The following CHCHD6 variants were observed in gnomAD, a reference collection of about 807,000 sequenced individuals.
The protein encoded by CHCHD6 is MICOS complex subunit MIC25.
CHCHD6 carries 28 observed loss-of-function variants against 32.3 expected under a neutral mutation model. The observed-to-expected ratio is 0.87, with a 90% confidence interval of 0.64 to 1.19. The LOEUF (loss-of-function observed/expected upper bound fraction) is 1.19, where lower values mean the gene tolerates loss of function less well. Ranked by LOEUF, CHCHD6 falls within the 50% of genes most tolerant of loss-of-function variation. The pLI, the probability that CHCHD6 is intolerant of heterozygous loss-of-function variation, is 0.00. For missense variants in CHCHD6, 333 were observed against 307.0 expected, an observed-to-expected ratio of 1.08 and a Z score of -0.63; for synonymous variants, 122 against 117.5, an observed-to-expected ratio of 1.04 and a Z score of -0.25.
chr3:126,858,675 G>C (rs1941749413), intron 5 of CHCHD6, among the ~76,000 whole-genome samples: 1 of 152,228 alleles, frequency 6.6e-6, no homozygotes, highest in Non-Finnish European at 1.5e-5. Flanking sequence ...CTTATGGAGA[G>C]ACACAGCCAG....
intron 1 of CHCHD6, among the ~76,000 whole-genome samples, chr3:126,723,863 G>A (rs1310151607): frequency 3.3e-5 from 5 of 152,138 alleles, no homozygotes. Context: ...AATTTTTAAT[G>A]TCTTTCCCTC....
intron 6 of CHCHD6, among the ~76,000 whole-genome samples, chr3:126,933,266 G>T (rs1385651082): frequency 6.6e-6 from 1 of 152,136 alleles, no homozygotes; most frequent in Non-Finnish European, 1.5e-5. Flanking sequence ...GTTCCCCAAG[G>T]CTTCTCTGGT....
chr3:126,836,372 T>G (rs1298946507), intron 4 of CHCHD6, among the ~76,000 whole-genome samples: 1 of 152,234 alleles, frequency 6.6e-6, no homozygotes, highest in East Asian at 1.9e-4. Flanking sequence ...CATGCAGCTC[T>G]CAGCTCAAAT....
At chr3:126,820,396 A>C (rs1191483508) in intron 4 of CHCHD6, among the ~76,000 whole-genome samples, 1 of 152,098 alleles carries the variant, frequency 6.6e-6, no homozygotes, top group Non-Finnish European at 1.5e-5. Flanking sequence ...ATTACTCTCC[A>C]AAGAGAACCG....
At chr3:126,907,562 A>C (rs1284318293) in intron 5 of CHCHD6, among the ~76,000 whole-genome samples, 2 of 152,140 alleles carry the variant, frequency 1.3e-5, no homozygotes, top group African/African-American at 4.8e-5. Context: ...AATTTTCTTC[A>C]CTTTGCTTAA....
chr3:126,782,558 G>A (rs1179072140), intron 4 of CHCHD6, among the ~76,000 whole-genome samples: 1 of 152,208 alleles, frequency 6.6e-6, no homozygotes, highest in African/African-American at 2.4e-5. Flanking sequence ...AAGGATACAG[G>A]GAAGCTCACA....
intron 4 of CHCHD6, among the ~76,000 whole-genome samples, chr3:126,748,535 C>T (rs1206739019): frequency 6.9e-6 from 1 of 145,798 alleles, no homozygotes; most frequent in African/African-American, 2.6e-5. Flanking sequence ...GCGGAGGTGG[C>T]GGTGAGCCGA....
intron 4 of CHCHD6, among the ~76,000 whole-genome samples, chr3:126,832,431 C>A (rs1234591268): frequency 2.0e-5 from 3 of 152,174 alleles, no homozygotes; most frequent in African/African-American, 7.2e-5. Context: ...CTACCATCTC[C>A]ATAACATCCC....
intron 4 of CHCHD6, among the ~76,000 whole-genome samples, chr3:126,785,772 T>C (rs866036048): frequency 4.6e-5 from 7 of 152,118 alleles, no homozygotes; most frequent in Non-Finnish European, 8.8e-5. Flanking sequence ...AATGTCCCAA[T>C]TTTTCCTCCC....
chr3:126,898,162 C>G (rs1390061076), intron 5 of CHCHD6, among the ~76,000 whole-genome samples: 1 of 152,260 alleles, frequency 6.6e-6, no homozygotes, highest in Non-Finnish European at 1.5e-5. Context: ...GCCGCCAGCC[C>G]GGCTCGCACC....
intron 4 of CHCHD6, among the ~76,000 whole-genome samples, chr3:126,840,876 T>C (rs892098857): frequency 1.3e-4 from 19 of 151,408 alleles, no homozygotes; most frequent in African/African-American, 4.6e-4. Context: ...TTTTTATTTA[T>C]TTATTTATTT....
At chr3:126,828,061 G>A (rs1010841464) in intron 4 of CHCHD6, among the ~76,000 whole-genome samples, 1 of 151,922 alleles carries the variant, frequency 6.6e-6, no homozygotes, top group Non-Finnish European at 1.5e-5. Flanking sequence ...CAACTCCTTG[G>A]CCTTGTCCCT....
intron 1 of CHCHD6, among the ~76,000 whole-genome samples, chr3:126,713,179 C>A (rs551469586): frequency 6.6e-6 from 1 of 152,130 alleles, no homozygotes; most frequent in South Asian, 2.1e-4. Flanking sequence ...TTTTAAAAAA[C>A]GCAAATTTTA....
At chr3:126,947,935 G>A (rs1405899187) in intron 6 of CHCHD6, among the ~76,000 whole-genome samples, 2 of 152,206 alleles carry the variant, frequency 1.3e-5, no homozygotes, top group Non-Finnish European at 2.9e-5. Flanking sequence ...TTACAGGGGA[G>A]GACAGAGATT....
At chr3:126,906,388 T>C (rs1244761872) in intron 5 of CHCHD6, among the ~76,000 whole-genome samples, 1 of 152,232 alleles carries the variant, frequency 6.6e-6, no homozygotes, top group African/African-American at 2.4e-5. Flanking sequence ...GATGGGGTCC[T>C]TTCCCTGATT....
chr3:126,914,639 A>C (rs747916278), intron 5 of CHCHD6, 41 bp from the exon 6 acceptor site: 1 of 1,123,728 alleles, frequency 8.9e-7, no homozygotes, highest in Admixed American at 1.7e-5. Context: ...GCAGAGGGAA[A>C]TTTCAGTCTT....
At chr3:126,747,917 G>A (rs757793498) in intron 4 of CHCHD6, among the ~76,000 whole-genome samples, 33 of 152,086 alleles carry the variant, frequency 2.2e-4, no homozygotes, top group Middle Eastern at 3.2e-3. Context: ...CTGACCTCCT[G>A]GGCGTTACCC....
chr3:126,827,026 G>A (rs770518567), intron 4 of CHCHD6, among the ~76,000 whole-genome samples: 2 of 152,178 alleles, frequency 1.3e-5, no homozygotes, highest in South Asian at 2.1e-4. Context: ...ACAGGGAGGA[G>A]AGAACCAAGT....
At chr3:126,955,431 G>T (rs1186512729) in intron 6 of CHCHD6, among the ~76,000 whole-genome samples, 1 of 152,228 alleles carries the variant, frequency 6.6e-6, no homozygotes, top group Non-Finnish European at 1.5e-5. Flanking sequence ...TTAAGACTTG[G>T]TGCATGCAAT....
Sources: gnomAD v4.1 joint callset for allele counts (sites outside exome capture counted in the v4.1 genomes callset) on GRCh38, gnomAD v4.1.1 for gene constraint, MANE v1.5 for transcripts, NCBI Gene and HGNC (gene_info 2026-07-23, HGNC 2026-07-21) for gene names.